The following ATXN1 variants were observed in gnomAD, a reference collection of about 807,000 sequenced individuals.
ATXN1 encodes the protein ataxin 1.
A neutral mutation model predicts 56.4 loss-of-function variants in ATXN1; 8 were observed. The ratio of observed to expected loss-of-function variants is 0.14; its 90% CI spans 0.08 to 0.26. ATXN1 has a LOEUF of 0.26. ATXN1 is among the 10% of genes least tolerant of loss of function. The probability of loss-of-function intolerance (pLI) is 1.00; values close to 1 mark genes in which losing one functional copy is unlikely to be tolerated. For missense variants in ATXN1, 987 were observed against 1,106.5 expected (o/e 0.89, Z 1.53); for synonymous variants, 514 against 494.6 (o/e 1.04, Z -0.52).
At chr6:16,601,778 A>G (rs868863016) in intron 3 of ATXN1, among the ~76,000 whole-genome samples, 3 of 152,136 alleles carry the variant, frequency 2.0e-5, no homozygotes, top group East Asian at 3.9e-4. Context: ...GCGTGAACCC[A>G]GGAGGCGGAG....
Position 16,326,248 on chromosome 6 carries a change from A to T in ATXN1, c.1917+146T>A. On this transcript the variant is annotated intron_variant, in intron 7 of 7. Coordinates refer to ENST00000436367, the MANE Select transcript of ATXN1 (RefSeq NM_001128164.2). The surrounding 1 kb of genome is among the most constrained non-coding windows in gnomAD (Gnocchi z 6.6). ...GAAATGGGGCTTATTTTTTCTAGAGAACGCAGTTGGGAAAGGCCGAGTCTA... is the reference window on the plus strand; with the variant it reads ...GAAATGGGGCTTATTTTTTCTAGAGTACGCAGTTGGGAAAGGCCGAGTCTA... 7.1e-7 allele frequency: 1 copy of T among 1,414,062 alleles called. No homozygotes were observed. The highest frequency in any genetic ancestry group is 9.3e-7 in the Non-Finnish European group (1 of 1,079,084). 87.6% of individuals were successfully genotyped at this position (1,414,062 alleles called of 1,614,324 possible). A position where few individuals can be genotyped will look rare whatever the true frequency, so the allele number is the denominator to read the frequency against.
chr6:16,739,944 A>C lies in ATXN1; in HGVS notation c.-615+13289T>G, dbSNP rs763249843. ...CTGTTAGAGAGAAACATTCTTAGCT[A>C]CTCCATCACCAAGCAAAAGTCCCTG... On this transcript the variant is annotated intron_variant, in intron 2 of 7. Coordinates refer to ENST00000436367, the MANE Select transcript of ATXN1 (RefSeq NM_001128164.2). 23 of 450,160 alleles carry C rather than the reference A, an allele frequency of 5.1e-5. No homozygotes were observed. The Middle Eastern group carries it at 2.0e-3, about 38-fold the overall frequency. The allele number at this position is 450,160 out of a possible 1,614,324, so 27.9% of individuals were successfully genotyped here.
chr6:16,628,155 G>C (rs1354297762), intron 3 of ATXN1, among the ~76,000 whole-genome samples: 2 of 152,226 alleles, frequency 1.3e-5, no homozygotes, highest in African/African-American at 4.8e-5. Flanking sequence ...TCAGCACCCA[G>C]TATTCTGGAA....
intron 6 of ATXN1, chr6:16,484,991 G>GTGTGTGTGTGTGTGTGTGTGTGTA: frequency 7.3e-6 from 1 of 137,794 alleles, no homozygotes; most frequent in South Asian, 2.5e-4. Context: ...GTGTGTGTGT[G>GTGTGTGTGTGTGTGTGTGTGTGTA]TACACGCACA....
Position 16,537,889 on chromosome 6 carries a change from G to A in ATXN1, c.-360-15201C>T, listed in dbSNP as rs147900680. On this transcript the variant is annotated intron_variant, in intron 4 of 7. Coordinates refer to ENST00000436367, the MANE Select transcript of ATXN1 (RefSeq NM_001128164.2). ...AGGCCAAGGTGGGCGGATCACCTGA[G>A]GTCAGGAGTTTGAGACCAGCCTGGC... Among the ~76,000 whole-genome samples the A allele has an allele frequency of 2.7e-3, 410 of 152,224 alleles. 3 individuals carry two copies. Among genetic ancestry groups the A allele is most frequent in the African/African-American group, 9.5e-3 (394 of 41,522 alleles).
intron 6 of ATXN1, among the ~76,000 whole-genome samples, chr6:16,419,247 C>T (rs1309271223): frequency 6.6e-6 from 1 of 152,146 alleles, no homozygotes; most frequent in African/African-American, 2.4e-5. Flanking sequence ...CTGCACATGG[C>T]TTCCCATGAG....
At chr6:16,484,155 G>A (rs1463521925) in intron 6 of ATXN1, among the ~76,000 whole-genome samples, 1 of 152,184 alleles carries the variant, frequency 6.6e-6, no homozygotes, top group African/African-American at 2.4e-5. Context: ...AGTATGGGCT[G>A]GGGATGGTGG....
intron 2 of ATXN1, among the ~76,000 whole-genome samples, chr6:16,708,757 G>T (rs543634241): frequency 6.6e-6 from 1 of 152,330 alleles, no homozygotes; most frequent in African/African-American, 2.4e-5. Flanking sequence ...CAGGCACGGT[G>T]TCTCATGCCT....
intron 7 of ATXN1, among the ~76,000 whole-genome samples, chr6:16,325,713 T>C (rs972041815): frequency 1.3e-5 from 2 of 151,946 alleles, no homozygotes; most frequent in South Asian, 2.1e-4. Context: ...TCAAAGAGAG[T>C]TGTCTGCTGA....
chr6:16,629,774 G>T (rs1210135630), intron 3 of ATXN1, among the ~76,000 whole-genome samples: 2 of 151,786 alleles, frequency 1.3e-5, no homozygotes, highest in African/African-American at 2.4e-5. Flanking sequence ...AAAACTAGCT[G>T]GACGTGGTGG....
intron 4 of ATXN1, among the ~76,000 whole-genome samples, chr6:16,531,685 GC>G (rs1581825837): frequency 6.6e-6 from 1 of 150,392 alleles, no homozygotes; most frequent in African/African-American, 2.4e-5. Context: ...TCTGGTAACA[GC>G]CCCAGTGGTG....
At chr6:16,633,909 C>T (rs1304395756) in intron 3 of ATXN1, among the ~76,000 whole-genome samples, 1 of 152,192 alleles carries the variant, frequency 6.6e-6, no homozygotes, top group Non-Finnish European at 1.5e-5. Context: ...TGTCTTTACA[C>T]TCCAGAGAGA....
At chr6:16,522,719 A>C (rs1482776222) in intron 4 of ATXN1, 31 bp from the exon 5 acceptor site, 2 of 152,246 alleles carry the variant, frequency 1.3e-5, no homozygotes, top group African/African-American at 4.8e-5. Context: ...TTTTAAAAAA[A>C]TTAATAACTC....
At chr6:16,679,145 T>G (rs1273339319) in intron 2 of ATXN1, among the ~76,000 whole-genome samples, 2 of 149,504 alleles carry the variant, frequency 1.3e-5, no homozygotes, top group African/African-American at 5.0e-5. Context: ...GATGGATGAA[T>G]GGATGGGTGG....
chr6:16,627,153 C>T (rs1230859396), intron 3 of ATXN1, among the ~76,000 whole-genome samples: 1 of 152,228 alleles, frequency 6.6e-6, no homozygotes, highest in East Asian at 1.9e-4. Flanking sequence ...ATGTCCACTT[C>T]TGGTTCCAGT....
rs1763228950 is a variant in ATXN1, at chr6:16,617,112, T to G, written c.-488-31205A>C. 2.6e-5 allele frequency among the ~76,000 whole-genome samples: 4 copies of G among 152,144 alleles called. No homozygotes were observed. The South Asian group carries it at 8.3e-4, about 31-fold the overall frequency. ...CAGGGGTATGGAACATGCCCCCAGT[T>G]GATCGGGGGGACTACTGTATAAGGA... On this transcript the variant is annotated intron_variant, in intron 3 of 7. Transcript: ENST00000436367.
intron 4 of ATXN1, among the ~76,000 whole-genome samples, chr6:16,570,160 T>C (rs1021416139): frequency 6.6e-6 from 1 of 152,350 alleles, no homozygotes; most frequent in South Asian, 2.1e-4. Context: ...TCACCTGCCC[T>C]GGACAATCCA....
At position 16,316,252 on chromosome 6, in the gene ATXN1, C is replaced by T. The variant is rs144269669; in HGVS notation, c.1918-9393G>A. Among the ~76,000 whole-genome samples the T allele has an allele frequency of 3.0e-3, 455 of 152,356 alleles. 13 individuals are homozygous for T. The highest frequency in any genetic ancestry group is 0.026 in the Admixed American group (397 of 15,306). ...AGGTGGAACAGTTTCATCCCAAAACCATCCCCCTCCCTCTTCCCATCCTGC... is the reference window on the plus strand; with the variant it reads ...AGGTGGAACAGTTTCATCCCAAAACTATCCCCCTCCCTCTTCCCATCCTGC... On this transcript the variant is annotated intron_variant, in intron 7 of 7. Transcript: ENST00000436367.
At chr6:16,355,373 C>T (rs1401766398) in intron 6 of ATXN1, among the ~76,000 whole-genome samples, 1 of 152,222 alleles carries the variant, frequency 6.6e-6, no homozygotes, top group Non-Finnish European at 1.5e-5. Flanking sequence ...ACTAAGAACA[C>T]CTACTTTTAG....
Sources: allele counts gnomAD v4.1 joint callset (sites outside exome capture counted in the v4.1 genomes callset), GRCh38; gene constraint gnomAD v4.1.1; non-coding constraint Gnocchi (gnomAD v3.1); transcripts MANE v1.5; gene names NCBI Gene and HGNC (gene_info 2026-07-23, HGNC 2026-07-21).